The following NBAS variants were observed in gnomAD, a reference collection of about 807,000 sequenced individuals.
NBAS encodes NAG/BC035112 fusion.
A neutral mutation model predicts 302.5 loss-of-function variants in NBAS; 219 were observed. The ratio of observed to expected loss-of-function variants is 0.72; its 90% CI spans 0.65 to 0.81. NBAS has a LOEUF of 0.81. Among genes scored for constraint, NBAS ranks in the 30% least tolerant of loss-of-function variants. NBAS has a pLI of 0.00. For synonymous variants in NBAS, 1,118 were observed against 1,021.6 expected, an observed-to-expected ratio of 1.09 and a Z score of -1.80; for missense variants, 2,932 against 2,841.6, an observed-to-expected ratio of 1.03 and a Z score of -0.72.
the NBAS span, among the ~76,000 whole-genome samples, chr2:15,159,664 C>T: frequency 6.6e-6 from 1 of 152,010 alleles, no homozygotes; most frequent in Non-Finnish European, 1.5e-5. Context: ...TTCAGTTTTG[C>T]AAGAAAAAGT....
the NBAS span, among the ~76,000 whole-genome samples, chr2:14,835,136 T>C: frequency 1.3e-5 from 2 of 152,000 alleles, no homozygotes; most frequent in East Asian, 3.9e-4. Flanking sequence ...CACTCACCTA[T>C]TTGCGAAATT....
intron 41 of NBAS, among the ~76,000 whole-genome samples, chr2:15,288,057 C>T (rs1340990471): frequency 6.6e-6 from 1 of 152,212 alleles, no homozygotes; most frequent in Non-Finnish European, 1.5e-5. Flanking sequence ...AAGAACTGTC[C>T]AGTCAGAACG....
At chr2:15,270,171 T>A (rs985063103) in intron 44 of NBAS, among the ~76,000 whole-genome samples, 38 of 152,198 alleles carry the variant, frequency 2.5e-4, no homozygotes, top group Non-Finnish European at 5.1e-4. Context: ...AAATTAAGTT[T>A]AAAATTTTGT....
At chr2:15,007,182 T>C in the NBAS span, among the ~76,000 whole-genome samples, 1 of 152,190 alleles carries the variant, frequency 6.6e-6, no homozygotes, top group Non-Finnish European at 1.5e-5. Flanking sequence ...GAACTAATTT[T>C]AAAACTAAAT....
chr2:15,232,362 C>T, intron 47 of NBAS, 60 bp downstream of exon 47: 1 of 1,493,412 alleles, frequency 6.7e-7, no homozygotes, highest in Non-Finnish European at 9.3e-7. Flanking sequence ...ATACTAAGAG[C>T]AATTCTAATA....
intron 12 of NBAS, among the ~76,000 whole-genome samples, chr2:15,487,134 A>G (rs1680664162): frequency 6.6e-6 from 1 of 152,218 alleles, no homozygotes; most frequent in Non-Finnish European, 1.5e-5. Context: ...TTATTATTCA[A>G]AGTTTTCACC....
At chr2:15,421,201 A>C (rs1677197232) in intron 23 of NBAS, among the ~76,000 whole-genome samples, 1 of 152,000 alleles carries the variant, frequency 6.6e-6, no homozygotes. Context: ...AGAAAGCTTG[A>C]TGCATAGAGC....
chr2:14,796,539 T>C, the NBAS span, among the ~76,000 whole-genome samples: 1 of 152,198 alleles, frequency 6.6e-6, no homozygotes, highest in African/African-American at 2.4e-5. Context: ...TGCATGAGTT[T>C]TGTCAGATTT....
chr2:14,958,069 G>A, the NBAS span, among the ~76,000 whole-genome samples: 1 of 152,166 alleles, frequency 6.6e-6, no homozygotes, highest in Non-Finnish European at 1.5e-5. Flanking sequence ...AGTTTGCCTT[G>A]TCCTTTAACT....
intron 23 of NBAS, among the ~76,000 whole-genome samples, chr2:15,418,406 TCA>T (rs1677049501): frequency 6.6e-6 from 1 of 152,194 alleles, no homozygotes; most frequent in African/African-American, 2.4e-5. Context: ...CCATTCTCTC[TCA>T]CACTACTTCT....
At chr2:15,090,401 C>A in the NBAS span, among the ~76,000 whole-genome samples, 1 of 152,194 alleles carries the variant, frequency 6.6e-6, no homozygotes, top group South Asian at 2.1e-4. Flanking sequence ...GGTCAACCAG[C>A]GTTCATATTC....
chr2:15,379,565 C>T (rs1371371303), intron 30 of NBAS, 37 bp downstream of exon 30: 11 of 1,584,990 alleles, frequency 6.9e-6, no homozygotes, highest in Admixed American at 1.7e-5. Context: ...TCTGACTTTC[C>T]CCCTCCATCT....
intron 48 of NBAS, among the ~76,000 whole-genome samples, chr2:15,217,094 C>G (rs1017197257): frequency 2.0e-5 from 3 of 152,286 alleles, no homozygotes; most frequent in South Asian, 4.2e-4. Context: ...TGCCCTGTAC[C>G]GGCAATAGAG....
At chr2:15,177,622 C>T (rs540428051) in intron 51 of NBAS, among the ~76,000 whole-genome samples, 71 of 152,004 alleles carry the variant, frequency 4.7e-4, no homozygotes, top group African/African-American at 1.5e-3. Flanking sequence ...ACACAGTGTA[C>T]GAGGGTGGGG....
intron 25 of NBAS, among the ~76,000 whole-genome samples, chr2:15,411,741 G>A (rs565266068): frequency 6.6e-6 from 1 of 152,048 alleles, no homozygotes; most frequent in Admixed American, 6.6e-5. Context: ...CAAAATCACC[G>A]AATAAATTGT....
the NBAS span, among the ~76,000 whole-genome samples, chr2:15,107,328 C>G: frequency 6.6e-6 from 1 of 152,004 alleles, no homozygotes; most frequent in African/African-American, 2.4e-5. Context: ...TCATGAGAAC[C>G]CGACCATGCT....
chr2:15,365,642 T>A lies in NBAS; in HGVS notation c.3817+938A>T, dbSNP rs144534341. 2.6e-5 allele frequency among the ~76,000 whole-genome samples: 4 copies of A among 152,206 alleles called. No individual in the cohort carries two copies. The East Asian group carries it at 7.7e-4, about 29-fold the overall frequency. On this transcript the variant is annotated intron_variant, in intron 32 of 51. Coordinates refer to ENST00000281513, the MANE Select transcript of NBAS (RefSeq NM_015909.4). ...CATCACATTGGCAGTCTGCTGCAAG[T>A]CCAAATATAAAGATGCTGATGCTAT...
At chr2:14,843,328 C>T in the NBAS span, among the ~76,000 whole-genome samples, 1 of 151,866 alleles carries the variant, frequency 6.6e-6, no homozygotes, top group African/African-American at 2.4e-5. Context: ...AGCAATTAGG[C>T]AAGAGAAATA....
At chr2:15,174,243 T>G (rs1664429903) in intron 51 of NBAS, among the ~76,000 whole-genome samples, 3 of 152,248 alleles carry the variant, frequency 2.0e-5, no homozygotes, top group Admixed American at 2.0e-4. Context: ...CACATGCGTT[T>G]CTGAAAATCT....
Sources: allele counts gnomAD v4.1 joint callset (sites outside exome capture counted in the v4.1 genomes callset), GRCh38; gene constraint gnomAD v4.1.1; transcripts MANE v1.5; gene names NCBI Gene and HGNC (gene_info 2026-07-23, HGNC 2026-07-21).